Variants in RFC3 observed in about 807,000 individuals in gnomAD.
The protein encoded by RFC3 is A1 38 kDa subunit.
In RFC3, 41 loss-of-function variants were observed where a neutral mutation model predicts 45.1. The ratio of observed to expected loss-of-function variants is 0.91; its 90% CI spans 0.71 to 1.18. The LOEUF (loss-of-function observed/expected upper bound fraction) is 1.18, where lower values mean the gene tolerates loss of function less well. RFC3 is among the 50% of genes most tolerant of loss of function. The probability of loss-of-function intolerance (pLI) is 0.00; values close to 1 mark genes in which losing one functional copy is unlikely to be tolerated. For synonymous variants in RFC3, 149 were observed against 144.0 expected (o/e 1.03, Z -0.25); for missense variants, 423 against 428.1 (o/e 0.99, Z 0.10).
At chr13:33,898,004 A>G (rs2082612795) in intron 8 of RFC3, among the ~76,000 whole-genome samples, 1 of 151,938 alleles carries the variant, frequency 6.6e-6, no homozygotes, top group Admixed American at 6.6e-5. Context: ...TTAAAACTTT[A>G]AAAAAACACT....
intron 8 of RFC3, among the ~76,000 whole-genome samples, chr13:33,864,658 C>G (rs2082361950): frequency 1.3e-5 from 2 of 152,044 alleles, no homozygotes. Flanking sequence ...AAGAGATCAC[C>G]AGTAGTCTCG....
At chr13:33,961,981 T>C (rs2083059986) in intron 8 of RFC3, among the ~76,000 whole-genome samples, 1 of 152,182 alleles carries the variant, frequency 6.6e-6, no homozygotes, top group African/African-American at 2.4e-5. Flanking sequence ...CACAACTGTC[T>C]TAAAGAAACT....
At chr13:33,827,380 T>A (rs1030618014) in intron 4 of RFC3, among the ~76,000 whole-genome samples, 24 of 152,338 alleles carry the variant, frequency 1.6e-4, no homozygotes, top group African/African-American at 5.5e-4. Flanking sequence ...CAAGTACTGC[T>A]TAGTCACTGT....
intron 1 of RFC3, 144 bp downstream of exon 1, chr13:33,818,409 A>G: frequency 1.6e-6 from 1 of 620,884 alleles, no homozygotes; most frequent in South Asian, 2.0e-5. Flanking sequence ...AAGGGGGAAG[A>G]GGTGTGGGAG....
At chr13:33,826,400 A>T (rs536373006) in intron 4 of RFC3, among the ~76,000 whole-genome samples, 35 of 152,244 alleles carry the variant, frequency 2.3e-4, no homozygotes, top group African/African-American at 8.2e-4. Flanking sequence ...GGGAGTGCTC[A>T]TTTCTCCGTG....
chr13:33,890,216 T>C (rs2082555039), intron 8 of RFC3, among the ~76,000 whole-genome samples: 1 of 152,124 alleles, frequency 6.6e-6, no homozygotes, highest in South Asian at 2.1e-4. Flanking sequence ...TGGTAATGTG[T>C]CACCTCAATA....
chr13:33,821,926 AC>A (rs2082007193), intron 2 of RFC3, among the ~76,000 whole-genome samples: 1 of 152,230 alleles, frequency 6.6e-6, no homozygotes, highest in Non-Finnish European at 1.5e-5. Context: ...AGTAGTTTAT[AC>A]ATCTTTTACT....
At chr13:33,952,891 T>G (rs1444671154) in intron 8 of RFC3, among the ~76,000 whole-genome samples, 1 of 152,204 alleles carries the variant, frequency 6.6e-6, no homozygotes, top group Admixed American at 6.5e-5. Flanking sequence ...TTCCAGCCCT[T>G]GGTTGCAGAT....
At chr13:33,916,935 T>C (rs1321156851) in intron 8 of RFC3, among the ~76,000 whole-genome samples, 1 of 152,168 alleles carries the variant, frequency 6.6e-6, no homozygotes, top group African/African-American at 2.4e-5. Flanking sequence ...ACACCCAACA[T>C]ATGTCAGAGT....
chr13:33,959,353 C>T (rs1444275766), intron 8 of RFC3, among the ~76,000 whole-genome samples: 2 of 152,180 alleles, frequency 1.3e-5, no homozygotes, highest in African/African-American at 4.8e-5. Context: ...CCTCTCCACA[C>T]GTCAACACCT....
intron 8 of RFC3, among the ~76,000 whole-genome samples, chr13:33,937,578 C>T (rs1352985450): frequency 6.6e-6 from 1 of 152,148 alleles, no homozygotes; most frequent in Non-Finnish European, 1.5e-5. Flanking sequence ...GACTCTTGGT[C>T]TGTGCTTTTC....
At chr13:33,876,655 A>G (rs1368349762) in intron 8 of RFC3, among the ~76,000 whole-genome samples, 3 of 151,434 alleles carry the variant, frequency 2.0e-5, no homozygotes, top group African/African-American at 7.2e-5. Context: ...TTTCTAACAC[A>G]TGAGAAGGTA....
intron 8 of RFC3, among the ~76,000 whole-genome samples, chr13:33,923,738 C>G (rs1267635920): frequency 1.3e-5 from 2 of 152,114 alleles, no homozygotes; most frequent in Non-Finnish European, 2.9e-5. Context: ...GGCTCTATCA[C>G]TCCTAGTTGG....
At chr13:33,951,012 T>C (rs901881524) in intron 8 of RFC3, among the ~76,000 whole-genome samples, 2 of 150,726 alleles carry the variant, frequency 1.3e-5, no homozygotes, top group East Asian at 3.9e-4. Context: ...AAGACTTCCC[T>C]GATGTCTCCA....
intron 8 of RFC3, among the ~76,000 whole-genome samples, chr13:33,919,131 T>G (rs183062061): frequency 6.6e-6 from 1 of 152,104 alleles, no homozygotes; most frequent in Non-Finnish European, 1.5e-5. Flanking sequence ...CAAACAATCA[T>G]TATTGTTTAT....
intron 8 of RFC3, among the ~76,000 whole-genome samples, chr13:33,890,109 G>A (rs1380123200): frequency 6.6e-6 from 1 of 152,094 alleles, no homozygotes; most frequent in Non-Finnish European, 1.5e-5. Flanking sequence ...GCAGCCTTAC[G>A]ACCTCCTGTT....
chr13:33,860,014 C>G (rs1176735059), intron 8 of RFC3, among the ~76,000 whole-genome samples: 1 of 152,106 alleles, frequency 6.6e-6, no homozygotes, highest in Non-Finnish European at 1.5e-5. Flanking sequence ...GAGGAAGAGA[C>G]ACCAGGGGCA....
In RFC3 at chr13:33,823,969, T is replaced by C; in HGVS notation, c.278T>C (p.Leu93Pro). 1 of 1,550,652 alleles carries C rather than the reference T, an allele frequency of 6.4e-7. No individual in the cohort carries two copies. Among genetic ancestry groups the C allele is most frequent in the Non-Finnish European group, 8.9e-7 (1 of 1,129,828 alleles). ...EISTIASNYHLEVNPSDAGNS... is the reference protein window; with the variant it reads ...EISTIASNYHPEVNPSDAGNS... ...AGCACCATTGCAAGTAACTACCACCTTGAAGTTAATCCTAGGTAAGTTACT... is the reference window on the plus strand; with the variant it reads ...AGCACCATTGCAAGTAACTACCACCCTGAAGTTAATCCTAGGTAAGTTACT... Residue 93 changes from leucine (L) to proline (P), a missense_variant, in exon 3 of 9, where the codon CTT (leucine) becomes CCT (proline). Leu to Pro is a moderately conservative substitution (Grantham distance 98, BLOSUM62 -3). Coordinates refer to ENST00000380071, the MANE Select transcript of RFC3 (RefSeq NM_002915.4).
At chr13:33,864,824 G>A (rs571927946) in intron 8 of RFC3, among the ~76,000 whole-genome samples, 1 of 152,130 alleles carries the variant, frequency 6.6e-6, no homozygotes, top group South Asian at 2.1e-4. Context: ...ATTTGGAGGG[G>A]ACAACTCAAA....
Sources: gnomAD v4.1 joint callset for allele counts (sites outside exome capture counted in the v4.1 genomes callset) on GRCh38, gnomAD v4.1.1 for gene constraint, MANE v1.5 for transcripts, NCBI Gene and HGNC (gene_info 2026-07-23, HGNC 2026-07-21) for gene names.